The following TMEM163 variants were observed in gnomAD, a reference collection of about 807,000 sequenced individuals.
The protein encoded by TMEM163 is transmembrane protein 163.
TMEM163 carries 17 observed loss-of-function variants against 29.3 expected under a neutral mutation model. The ratio of observed to expected loss-of-function variants is 0.58; its 90% confidence interval spans 0.40 to 0.87. The LOEUF (loss-of-function observed/expected upper bound fraction) is 0.87, where lower values mean the gene tolerates loss of function less well. TMEM163 is among the 40% of genes least tolerant of loss of function. The probability of loss-of-function intolerance (pLI) is 0.00; values close to 1 mark genes in which losing one functional copy is unlikely to be tolerated. For synonymous variants in TMEM163, 157 were observed against 160.6 expected, an observed-to-expected ratio of 0.98 and a Z score of 0.17; for missense variants, 303 against 381.5, an observed-to-expected ratio of 0.79 and a Z score of 1.71.
intron 5 of TMEM163, among the ~76,000 whole-genome samples, chr2:134,481,269 A>C (rs1253776103): frequency 6.6e-6 from 1 of 151,378 alleles, no homozygotes; most frequent in African/African-American, 2.4e-5. Flanking sequence ...TCCCATCGAC[A>C]CCAGGTGATA....
At chr2:134,477,356 T>C (rs981591803) in intron 5 of TMEM163, among the ~76,000 whole-genome samples, 4 of 152,360 alleles carry the variant, frequency 2.6e-5, no homozygotes, top group South Asian at 2.1e-4. Flanking sequence ...GTTTAAAAGC[T>C]GTGGCAGAGA....
At chr2:134,565,326 C>T (rs564727340) in intron 2 of TMEM163, among the ~76,000 whole-genome samples, 5 of 151,796 alleles carry the variant, frequency 3.3e-5, no homozygotes, top group Admixed American at 1.3e-4. Flanking sequence ...ATACTTATGG[C>T]TGGGTGCAGT....
intron 2 of TMEM163, among the ~76,000 whole-genome samples, chr2:134,595,307 T>C (rs1682048358): frequency 6.6e-6 from 1 of 152,004 alleles, no homozygotes; most frequent in South Asian, 2.1e-4. Flanking sequence ...ATGTTCCCCT[T>C]CCTGTGTCCA....
At chr2:134,457,962 C>T in intron 7 of TMEM163, 70 bp downstream of exon 7, 2 of 1,602,756 alleles carry the variant, frequency 1.2e-6, no homozygotes, top group Admixed American at 1.7e-5. Context: ...CATTTCCTGA[C>T]TGGGGAAGGC....
intron 5 of TMEM163, among the ~76,000 whole-genome samples, chr2:134,474,410 C>T (rs565764354): frequency 9.4e-5 from 14 of 149,628 alleles, no homozygotes; most frequent in Non-Finnish European, 2.1e-4. Flanking sequence ...TAAATGGTAT[C>T]TAGGAAAAAC....
intron 2 of TMEM163, among the ~76,000 whole-genome samples, chr2:134,628,904 A>C (rs17789633): frequency 0.39 from 58,626 of 152,198 alleles, 14,231 homozygotes; most frequent in Non-Finnish European, 0.55. Flanking sequence ...AATTTTGTTT[A>C]ATTGATATCA....
chr2:134,631,580 G>C (rs1259565419), intron 2 of TMEM163, among the ~76,000 whole-genome samples: 4 of 152,152 alleles, frequency 2.6e-5, no homozygotes, highest in Non-Finnish European at 5.9e-5. Flanking sequence ...AAAGGCCAAG[G>C]GTCAAATCCA....
chr2:134,716,960 G>A (rs182325208), intron 1 of TMEM163, among the ~76,000 whole-genome samples: 3 of 152,292 alleles, frequency 2.0e-5, no homozygotes, highest in South Asian at 2.1e-4. Context: ...GATATGCCAC[G>A]CTCTCAAACA....
rs182657619 is a variant in TMEM163, at chr2:134,550,745, T to A, written c.367-84A>T. ...AGACACAGGACAACTGTGCTGTGAC[T>A]CAGAACATCTGCATGAGTAAACTCT... On this transcript the variant is annotated intron_variant, in intron 3 of 7. Transcript: ENST00000281924. 1.6e-5 allele frequency: 21 copies of A among 1,291,158 alleles called. No individual in the cohort carries two copies. In the African/African-American group the frequency reaches 2.6e-4, roughly 16 times the overall value. The allele number at this position is 1,291,158 out of a possible 1,614,324, so 80.0% of individuals were successfully genotyped here.
At chr2:134,535,312 C>A (rs1290706034) in intron 4 of TMEM163, among the ~76,000 whole-genome samples, 1 of 152,128 alleles carries the variant, frequency 6.6e-6, no homozygotes, top group Admixed American at 6.5e-5. Flanking sequence ...GCTGAAAATG[C>A]CAAGGAACAA....
chr2:134,635,186 C>A (rs1024714509), intron 2 of TMEM163, among the ~76,000 whole-genome samples: 1 of 152,184 alleles, frequency 6.6e-6, no homozygotes, highest in African/African-American at 2.4e-5. Flanking sequence ...AAAATTGAGA[C>A]AATTACAGTC....
At chr2:134,659,139 A>C (rs1410759396) in intron 2 of TMEM163, among the ~76,000 whole-genome samples, 1 of 152,188 alleles carries the variant, frequency 6.6e-6, no homozygotes. Context: ...TGAATACTAT[A>C]GGCAACTGTA....
At chr2:134,670,751 G>T (rs183288500) in intron 2 of TMEM163, among the ~76,000 whole-genome samples, 1 of 152,188 alleles carries the variant, frequency 6.6e-6, no homozygotes, top group Admixed American at 6.5e-5. Context: ...CCTTTTAACT[G>T]AGTTTGGCTG....
At chr2:134,493,298 CA>C (rs1574174972) in intron 5 of TMEM163, among the ~76,000 whole-genome samples, 1 of 146,288 alleles carries the variant, frequency 6.8e-6, no homozygotes, top group African/African-American at 2.6e-5. Flanking sequence ...CTTGGAAGAG[CA>C]AAAGTTTATT....
chr2:134,672,832 T>A (rs1227931404), intron 2 of TMEM163, among the ~76,000 whole-genome samples: 1 of 152,098 alleles, frequency 6.6e-6, no homozygotes, highest in South Asian at 2.1e-4. Flanking sequence ...CCAAGTTCCA[T>A]CAATTCTACC....
At chr2:134,649,320 A>T (rs1568120) in intron 2 of TMEM163, among the ~76,000 whole-genome samples, 11 of 152,024 alleles carry the variant, frequency 7.2e-5, no homozygotes, top group Non-Finnish European at 1.0e-4. Context: ...TTGAGGAATC[A>T]TCATGCTCCC....
chr2:134,581,378 A>G (rs1371293981), intron 2 of TMEM163, among the ~76,000 whole-genome samples: 2 of 152,250 alleles, frequency 1.3e-5, no homozygotes, highest in African/African-American at 2.4e-5. Context: ...AAGTGTCTAC[A>G]TGCAAATAGC....
At chr2:134,603,186 A>C (rs1288950344) in intron 2 of TMEM163, among the ~76,000 whole-genome samples, 2 of 152,112 alleles carry the variant, frequency 1.3e-5, no homozygotes. Context: ...GCTGGAAGAG[A>C]TCACCCCAAA....
chr2:134,622,074 A>C (rs1460511916), intron 2 of TMEM163, among the ~76,000 whole-genome samples: 1 of 152,176 alleles, frequency 6.6e-6, no homozygotes, highest in Non-Finnish European at 1.5e-5. Context: ...AAGACTGTGT[A>C]TTGCGTGGTT....
Sources: gnomAD v4.1 joint callset for allele counts (sites outside exome capture counted in the v4.1 genomes callset) on GRCh38, gnomAD v4.1.1 for gene constraint, MANE v1.5 for transcripts, NCBI Gene and HGNC (gene_info 2026-07-23, HGNC 2026-07-21) for gene names.